SIPA1L3: variants seen among roughly 807,000 people sequenced by gnomAD.
SIPA1L3 encodes the protein signal induced proliferation associated 1 like 3.
Under a neutral mutation model 150.1 loss-of-function variants are expected in SIPA1L3, and 59 were observed. The observed-to-expected ratio is 0.39, with a 90% confidence interval of 0.32 to 0.49. The LOEUF (loss-of-function observed/expected upper bound fraction) is 0.49. Ranked by LOEUF, SIPA1L3 falls within the 20% of genes least tolerant of loss-of-function variation. The pLI is 0.86. For synonymous variants in SIPA1L3, 1,070 were observed against 1,077.6 expected, an observed-to-expected ratio of 0.99 and a Z score of 0.14; for missense variants, 2,211 against 2,489.5, an observed-to-expected ratio of 0.89 and a Z score of 2.38.
At chr19:38,177,453 G>A (rs913304008) in intron 15 of SIPA1L3, among the ~76,000 whole-genome samples, 2 of 151,576 alleles carry the variant, frequency 1.3e-5, no homozygotes, top group South Asian at 4.2e-4. Context: ...CAGGAGGATA[G>A]CTTGAGCACA....
chr19:38,032,974 G>A (rs114158593), intron 2 of SIPA1L3, among the ~76,000 whole-genome samples: 3 of 152,332 alleles, frequency 2.0e-5, no homozygotes, highest in East Asian at 1.9e-4. Context: ...GGCAATTTTC[G>A]GACAAGGTGG....
rs1228288823 is a variant in SIPA1L3, at chr19:38,099,998, A to G, written c.1702A>G (p.Thr568Ala). 1 of 1,609,328 alleles carries G rather than the reference A, an allele frequency of 6.2e-7. No individual in the cohort carries two copies. The highest frequency in any genetic ancestry group is 2.3e-5 in the East Asian group (1 of 44,414). The part of the protein sequence containing the change: ...TLRGSILEDA[T>A]PTATKHGTGR... ...GCGGGGCTCCATCCTGGAAGATGCTACGCCCACAGCCACCAAGCATGGGAC... is the reference window on the plus strand; with the variant it reads ...GCGGGGCTCCATCCTGGAAGATGCTGCGCCCACAGCCACCAAGCATGGGAC... Residue 568 changes from threonine to alanine, a missense_variant, in exon 5 of 22, where the codon ACG becomes GCG. By Grantham distance (58) the Thr-to-Ala change is moderately conservative (BLOSUM62 0). This residue lies in a region of SIPA1L3 where 625 missense variants were observed against 804.2 expected (regional missense o/e 0.78). Coordinates refer to ENST00000222345, the MANE Select transcript of SIPA1L3 (RefSeq NM_015073.3).
At chr19:38,128,046 CTTTTTTTTTTTTTTTT>C (rs34053188) in intron 9 of SIPA1L3, among the ~76,000 whole-genome samples, 1 of 66,548 alleles carries the variant, frequency 1.5e-5, no homozygotes, top group Non-Finnish European at 2.8e-5. Context: ...CCTTGGGCCT[CTTTTTTTTTTTTTTTT>C]TTTTTTTTTT....
chr19:37,929,009 C>T (rs2046530024), intron 1 of SIPA1L3, among the ~76,000 whole-genome samples: 1 of 152,246 alleles, frequency 6.6e-6, no homozygotes, highest in African/African-American at 2.4e-5. Flanking sequence ...GACAGTGCCA[C>T]ATCCAGCAGC....
At chr19:37,934,441 A>G (rs2046582672) in intron 1 of SIPA1L3, among the ~76,000 whole-genome samples, 1 of 152,168 alleles carries the variant, frequency 6.6e-6, no homozygotes, top group Admixed American at 6.5e-5. Context: ...GTAATGCCTG[A>G]GCCCCAACAC....
intron 1 of SIPA1L3, among the ~76,000 whole-genome samples, chr19:37,911,047 A>G (rs1018530023): frequency 6.6e-6 from 1 of 151,842 alleles, no homozygotes; most frequent in Non-Finnish European, 1.5e-5. Flanking sequence ...TAGGGAAAAT[A>G]CCTAGTGCCA....
intron 8 of SIPA1L3, among the ~76,000 whole-genome samples, chr19:38,112,237 C>T (rs1970780078): frequency 6.6e-6 from 1 of 151,816 alleles, no homozygotes; most frequent in African/African-American, 2.4e-5. Flanking sequence ...CATGCACACA[C>T]CTGCACTCAC....
chr19:38,208,006 C>G lies in SIPA1L3; in HGVS notation c.*1766C>G, dbSNP rs1369461334. The G allele has an allele frequency of 6.7e-6, 1 of 149,080 alleles. No homozygotes were observed. The allele number at this position is 149,080 out of a possible 1,614,324, so 9.2% of individuals were successfully genotyped here. ...GGGGGGCCCACCCGTCCCCCACCCC[C>G]ACCCCTTAGACCCTCATCGGGTCCC... On this transcript the variant is annotated 3_prime_UTR_variant, in exon 22 of 22. Coordinates refer to ENST00000222345, the MANE Select transcript of SIPA1L3 (RefSeq NM_015073.3).
At chr19:37,952,271 G>T (rs1410739492) in intron 1 of SIPA1L3, among the ~76,000 whole-genome samples, 1 of 152,150 alleles carries the variant, frequency 6.6e-6, no homozygotes, top group Admixed American at 6.5e-5. Context: ...CAAAACATTG[G>T]CCCTTTTTCC....
Position 38,083,005 on chromosome 19 carries a change from G to A in SIPA1L3, c.1440G>A (p.Lys480=), listed in dbSNP as rs1600035627. The A allele has an allele frequency of 1.9e-6, 3 of 1,613,364 alleles. No homozygotes were observed. The highest frequency in any genetic ancestry group is 1.3e-5 in the African/African-American group (1 of 75,066). The change falls in exon 3 of 22, where the codon AAG becomes AAA. Residue 480 remains lysine, a synonymous_variant. Coordinates refer to ENST00000222345, the MANE Select transcript of SIPA1L3 (RefSeq NM_015073.3). ...NASISVLEVP[K]EQQRTQSRPR... is the part of the protein sequence containing the mutation. ...GCATCTCGGTGTTGGAAGTTCCCAAGGAGCAGCAGCGGACGCAGAGTCGGC... is the reference window on the plus strand; with the variant it reads ...GCATCTCGGTGTTGGAAGTTCCCAAAGAGCAGCAGCGGACGCAGAGTCGGC...
chr19:38,095,445 G>T (rs572926869), intron 4 of SIPA1L3, among the ~76,000 whole-genome samples: 1 of 152,180 alleles, frequency 6.6e-6, no homozygotes, highest in Non-Finnish European at 1.5e-5. Context: ...AGAGTCAAGC[G>T]GGGAGTACGT....
chr19:38,064,933 C>A (rs1969538974), intron 2 of SIPA1L3, among the ~76,000 whole-genome samples: 1 of 152,216 alleles, frequency 6.6e-6, no homozygotes, highest in Non-Finnish European at 1.5e-5. Context: ...TTGCTTCTAT[C>A]CACTCTGCTG....
intron 15 of SIPA1L3, among the ~76,000 whole-genome samples, chr19:38,166,227 G>A (rs936253463): frequency 5.3e-5 from 8 of 151,866 alleles, no homozygotes; most frequent in Non-Finnish European, 8.8e-5. Context: ...AGGCCAAGGC[G>A]GGTGGATCAT....
chr19:38,152,751 A>C, intron 12 of SIPA1L3, 89 bp from the exon 13 acceptor site: 1 of 1,442,648 alleles, frequency 6.9e-7, no homozygotes, highest in Non-Finnish European at 9.4e-7. Context: ...TCTAAAACCC[A>C]CTGGCGAGCA....
intron 8 of SIPA1L3, among the ~76,000 whole-genome samples, chr19:38,118,382 G>A (rs961181053): frequency 3.6e-5 from 4 of 109,870 alleles, no homozygotes; most frequent in East Asian, 2.4e-4. Context: ...CCGAGATTGC[G>A]CCACTGCCCT....
At chr19:38,033,973 G>A (rs1968719985) in intron 2 of SIPA1L3, among the ~76,000 whole-genome samples, 1 of 152,178 alleles carries the variant, frequency 6.6e-6, no homozygotes, top group Non-Finnish European at 1.5e-5. Flanking sequence ...TTGATTGAAT[G>A]AGGGCTTATT....
At chr19:38,060,772 G>A (rs920257202) in intron 2 of SIPA1L3, among the ~76,000 whole-genome samples, 3 of 152,146 alleles carry the variant, frequency 2.0e-5, no homozygotes, top group African/African-American at 7.2e-5. Context: ...GCTCACCACA[G>A]CCTCTGCCTC....
chr19:37,962,344 A>T (rs967191585), intron 1 of SIPA1L3, among the ~76,000 whole-genome samples: 2 of 151,420 alleles, frequency 1.3e-5, no homozygotes, highest in African/African-American at 4.9e-5. Context: ...GGGTTTCCCC[A>T]TGTTGGCCAG....
At position 37,937,751 on chromosome 19, in the gene SIPA1L3, A is replaced by AAAAAAAAAAAAAAAAAAAAAAAAAC. The variant is rs2046613941; in HGVS notation, c.-379+30406_-379+30407insAAAAAAAAAAACAAAAAAAAAAAAA. Among the ~76,000 whole-genome samples, 2 of 129,830 alleles carry AAAAAAAAAAAAAAAAAAAAAAAAAC rather than the reference A, an allele frequency of 1.5e-5. 1 individual carries two copies. The highest frequency in any genetic ancestry group is 3.3e-5 in the Non-Finnish European group (2 of 60,650). 85.2% of individuals were successfully genotyped at this position (129,830 alleles called of 152,430 possible). On this transcript the variant is annotated intron_variant, in intron 1 of 21. Coordinates refer to ENST00000222345, the MANE Select transcript of SIPA1L3 (RefSeq NM_015073.3). ...AGTGAAACCCTGTCTCAAAAAAAAA[A>AAAAAAAAAAAAAAAAAAAAAAAAAC]AAAAAAAAAAAAAGACCAGGCACGG...
Sources: allele counts gnomAD v4.1 joint callset (sites outside exome capture counted in the v4.1 genomes callset), GRCh38; gene constraint gnomAD v4.1.1; regional missense constraint gnomAD v4.1.1; transcripts MANE v1.5; gene names NCBI Gene and HGNC (gene_info 2026-07-23, HGNC 2026-07-21).